PSMD5: variants seen among roughly 807,000 people sequenced by gnomAD.
The protein encoded by PSMD5 is 26S proteasome non-ATPase regulatory subunit 5.
PSMD5 carries 40 observed loss-of-function variants against 52.1 expected under a neutral mutation model. The ratio of observed to expected loss-of-function variants is 0.77; its 90% CI spans 0.60 to 1.00. The LOEUF (loss-of-function observed/expected upper bound fraction) is 1.00. Among genes scored for constraint, PSMD5 ranks in the 50% least tolerant of loss-of-function variants. PSMD5 has a pLI of 0.00. For synonymous variants in PSMD5, 211 were observed against 226.6 expected, an observed-to-expected ratio of 0.93 and a Z score of 0.62; for missense variants, 575 against 605.2, an observed-to-expected ratio of 0.95 and a Z score of 0.52.
intron 1 of PSMD5, among the ~76,000 whole-genome samples, chr9:120,839,344 C>T (rs1350656394): frequency 3.0e-4 from 45 of 152,300 alleles, no homozygotes; most frequent in Non-Finnish European, 1.8e-4. Flanking sequence ...TTAGCACCAG[C>T]TGACTCGAGA....
At chr9:120,830,227 T>C (rs1455372719) in intron 4 of PSMD5, among the ~76,000 whole-genome samples, 2 of 152,146 alleles carry the variant, frequency 1.3e-5, no homozygotes, top group African/African-American at 4.8e-5. Flanking sequence ...CACAGCCAGT[T>C]TGTTGTCTTA....
At chr9:120,838,735 T>C (rs2045214865) in intron 1 of PSMD5, among the ~76,000 whole-genome samples, 1 of 152,236 alleles carries the variant, frequency 6.6e-6, no homozygotes, top group Non-Finnish European at 1.5e-5. Context: ...CAGTTCCTAC[T>C]GCATCTCTGC....
At chr9:120,830,609 A>G (rs1424518146) in intron 4 of PSMD5, among the ~76,000 whole-genome samples, 3 of 152,202 alleles carry the variant, frequency 2.0e-5, no homozygotes, top group East Asian at 1.9e-4. Context: ...GCAAAGTAAG[A>G]AAGTGTTCTG....
intron 5 of PSMD5, among the ~76,000 whole-genome samples, chr9:120,827,418 A>C (rs981205417): frequency 6.6e-6 from 1 of 152,202 alleles, no homozygotes; most frequent in African/African-American, 2.4e-5. Flanking sequence ...TTCCTTACAC[A>C]ATTATAATGC....
At chr9:120,828,993 T>C in intron 5 of PSMD5, 106 bp downstream of exon 5, 2 of 1,343,470 alleles carry the variant, frequency 1.5e-6, no homozygotes, top group Non-Finnish European at 1.9e-6. Flanking sequence ...AGTCATGAGA[T>C]TGCAACCTGG....
Position 120,842,828 on chromosome 9 carries a change from C to G in PSMD5, c.82G>C (p.Val28Leu), listed in dbSNP as rs773181424. The change falls in exon 1 of 10, where the codon GTG becomes CTG. Residue 28 changes from valine to leucine, a missense_variant. Coordinates refer to ENST00000210313, the MANE Select transcript of PSMD5 (RefSeq NM_005047.4). ...PLEELRALHS[V>L]LQAVPLNELR... Reference sequence around the variant, plus strand: ...TCGTTGAGCGGCACTGCCTGCAGCACGGAGTGAAGCGCGCGTAGCTCCTCC... The same window carrying G: ...TCGTTGAGCGGCACTGCCTGCAGCAGGGAGTGAAGCGCGCGTAGCTCCTCC... 1.2e-6 allele frequency: 2 copies of G among 1,610,766 alleles called. No homozygotes were observed. The highest frequency in any genetic ancestry group is 2.7e-5 in the African/African-American group (2 of 74,924).
rs1254030022 is a variant in PSMD5, at chr9:120,816,128, C to T, written c.*1778G>A. Reference sequence around the variant, plus strand: ...AAAAAATCAGAATGTGTAGACCATACATAGGAGAGAGGGCATCCCCCCAAA... The same window carrying T: ...AAAAAATCAGAATGTGTAGACCATATATAGGAGAGAGGGCATCCCCCCAAA... On this transcript the variant is annotated 3_prime_UTR_variant, in exon 10 of 10. Coordinates refer to ENST00000210313, the MANE Select transcript of PSMD5 (RefSeq NM_005047.4). The T allele has an allele frequency of 1.3e-5, 2 of 153,252 alleles. No homozygotes were observed. Among genetic ancestry groups the T allele is most frequent in the African/African-American group, 2.4e-5 (1 of 41,392 alleles). 9.5% of individuals were successfully genotyped at this position (153,252 alleles called of 1,614,324 possible).
At position 120,829,211 on chromosome 9, in the gene PSMD5, G is replaced by C; in HGVS notation, c.562-3C>G. 1 of 1,556,600 alleles carries C rather than the reference G, an allele frequency of 6.4e-7. No homozygotes were observed. Among genetic ancestry groups the C allele is most frequent in the South Asian group, 1.2e-5 (1 of 82,800 alleles). On this transcript the variant is annotated splice_polypyrimidine_tract_variant and splice_region_variant and intron_variant, in intron 4 of 9. Transcript: ENST00000210313. ...ACGGAAGAAATCTCTATAATTAGCT[G>C]AAATAAAAAAAAAAACACAGAAAAA...
Position 120,817,682 on chromosome 9 carries a change from G to C in PSMD5, c.*224C>G, listed in dbSNP as rs1255925582. ...AGTGAAAGGAATCTGAAAAACACTG[G>C]ATCTATTATGACCAAGCTTGTCTGC... On this transcript the variant is annotated 3_prime_UTR_variant, in exon 10 of 10. Transcript: ENST00000210313. The C allele has an allele frequency of 2.0e-6, 1 of 510,968 alleles. No individual in the cohort carries two copies. Among genetic ancestry groups the C allele is most frequent in the Non-Finnish European group, 3.4e-6 (1 of 292,270 alleles). 31.7% of individuals were successfully genotyped at this position (510,968 alleles called of 1,614,324 possible).
intron 7 of PSMD5, 83 bp from the exon 8 acceptor site, chr9:120,821,547 G>GTA: frequency 2.1e-6 from 2 of 934,192 alleles, no homozygotes; most frequent in East Asian, 5.0e-5. Context: ...CATTTTTAGT[G>GTA]TATAGTTCAG....
rs150992554 is a variant in PSMD5, at chr9:120,835,318, A to C, written c.174-1862T>G. On this transcript the variant is annotated intron_variant, in intron 1 of 9. Coordinates refer to ENST00000210313, the MANE Select transcript of PSMD5 (RefSeq NM_005047.4). Reference sequence around the variant, plus strand: ...CAATGAAGTAATGATACATATCACAATATGAATAAACCTTTAAAATATTAT... The same window carrying C: ...CAATGAAGTAATGATACATATCACACTATGAATAAACCTTTAAAATATTAT... Among the ~76,000 whole-genome samples, 7 of 152,370 alleles carry C rather than the reference A, an allele frequency of 4.6e-5. No individual in the cohort carries two copies. The East Asian group carries it at 1.3e-3, about 29-fold the overall frequency.
chr9:120,824,500 T>G lies in PSMD5; in HGVS notation c.1000A>C (p.Lys334Gln). The G allele has an allele frequency of 6.2e-7, 1 of 1,614,116 alleles. No individual in the cohort carries two copies. Among genetic ancestry groups the G allele is most frequent in the Non-Finnish European group, 8.5e-7 (1 of 1,180,000 alleles). ...AGGGCCAAGTCATACCAACCTGTTTTCTGTAAAACCTGTTTTCCTTCAACA... is the reference window on the plus strand; with the variant it reads ...AGGGCCAAGTCATACCAACCTGTTTGCTGTAAAACCTGTTTTCCTTCAACA... ...SNVEGKQVLQ[K>Q]TGTRFERLLM... The change falls in exon 7 of 10, where the codon AAA becomes CAA. Residue 334 changes from lysine to glutamine, a missense_variant. By Grantham distance (53) the Lys-to-Gln change is moderately conservative. Coordinates refer to ENST00000210313, the MANE Select transcript of PSMD5 (RefSeq NM_005047.4).
chr9:120,836,038 A>T (rs1160643524), intron 1 of PSMD5, among the ~76,000 whole-genome samples: 2 of 152,142 alleles, frequency 1.3e-5, no homozygotes, highest in East Asian at 3.9e-4. Flanking sequence ...GGCAACCACC[A>T]TTCCACTTTC....
chr9:120,826,047 T>G (rs2045119721), intron 6 of PSMD5, among the ~76,000 whole-genome samples: 1 of 149,144 alleles, frequency 6.7e-6, no homozygotes. Context: ...CAGGCTGGAG[T>G]GCAGTGGCGC....
chr9:120,818,286 T>A, intron 9 of PSMD5, 123 bp from the exon 10 acceptor site: 2 of 975,256 alleles, frequency 2.1e-6, no homozygotes, highest in Non-Finnish European at 2.9e-6. Context: ...TTTGTCTAAG[T>A]AAATTCCTTC....
intron 1 of PSMD5, among the ~76,000 whole-genome samples, chr9:120,839,761 C>G (rs892381865): frequency 6.0e-5 from 9 of 150,542 alleles, no homozygotes; most frequent in Non-Finnish European, 1.5e-5. Flanking sequence ...TTTTTTTCCC[C>G]AGAATCCAGG....
intron 5 of PSMD5, among the ~76,000 whole-genome samples, chr9:120,828,355 C>T (rs1334688217): frequency 6.6e-6 from 1 of 151,334 alleles, no homozygotes; most frequent in Non-Finnish European, 1.5e-5. Flanking sequence ...ATGTAGAAAG[C>T]TTATAATTAT....
chr9:120,824,019 C>T (rs1303297731), intron 7 of PSMD5: 1 of 163,508 alleles, frequency 6.1e-6, no homozygotes. Flanking sequence ...GACCTGTAGA[C>T]CCAGCCAATC....
At chr9:120,841,578 A>AAAACAAAC (rs796395813) in intron 1 of PSMD5, among the ~76,000 whole-genome samples, 1 of 148,968 alleles carries the variant, frequency 6.7e-6, no homozygotes, top group African/African-American at 2.4e-5. Flanking sequence ...GACTCGTCTG[A>AAAACAAAC]AAACAAACAA....
Sources: allele counts gnomAD v4.1 joint callset (sites outside exome capture counted in the v4.1 genomes callset), GRCh38; gene constraint gnomAD v4.1.1; transcripts MANE v1.5; gene names NCBI Gene and HGNC (gene_info 2026-07-23, HGNC 2026-07-21).